CAMTA1: variants seen among roughly 807,000 people sequenced by gnomAD.
The protein encoded by CAMTA1 is calmodulin-binding transcription activator 1.
A neutral mutation model predicts 170.9 loss-of-function variants in CAMTA1; 27 were observed. That is an observed-to-expected ratio of 0.16 (90% CI 0.12 to 0.22). CAMTA1 has a LOEUF of 0.22. CAMTA1 is among the 10% of genes least tolerant of loss of function. The pLI, the probability that CAMTA1 is intolerant of heterozygous loss-of-function variation, is 1.00. For missense variants in CAMTA1, 1,619 were observed against 2,217.2 expected (o/e 0.73, Z 5.42); for synonymous variants, 833 against 891.5 (o/e 0.93, Z 1.17).
At chr1:7,350,722 G>GGT (rs145129293) in intron 5 of CAMTA1, among the ~76,000 whole-genome samples, 2,211 of 151,540 alleles carry the variant, frequency 0.015, 39 homozygotes, top group African/African-American at 0.048. Flanking sequence ...GAAGTCATAT[G>GGT]GTGTGTGTGT....
At position 7,016,113 on chromosome 1, in the gene CAMTA1, C is replaced by A. The variant is rs571308664; in HGVS notation, c.235-75191C>A. 2.0e-5 allele frequency among the ~76,000 whole-genome samples: 3 copies of A among 151,458 alleles called. 1 individual carries two copies. The South Asian group carries it at 6.2e-4, about 31-fold the overall frequency. On this transcript the variant is annotated intron_variant, in intron 3 of 22. Transcript: ENST00000303635. ...GTCATGCAGCCACACCCTGCCCCAT[C>A]CTAACCCCCCGAAATCACTCATCTC...
intron 6 of CAMTA1, among the ~76,000 whole-genome samples, chr1:7,492,741 A>G (rs12751826): frequency 1.0e-4 from 14 of 136,214 alleles, no homozygotes; most frequent in African/African-American, 2.6e-4. Context: ...ACATACACAC[A>G]CGCGCGCACA....
chr1:7,436,902 G>A (rs1200840367), intron 5 of CAMTA1, among the ~76,000 whole-genome samples: 2 of 152,072 alleles, frequency 1.3e-5, no homozygotes, highest in Admixed American at 6.6e-5. Flanking sequence ...GAGGTTGTGG[G>A]TGCCGGGTAC....
chr1:7,049,991 T>G (rs1706053499), intron 3 of CAMTA1, among the ~76,000 whole-genome samples: 1 of 151,808 alleles, frequency 6.6e-6, no homozygotes, highest in Non-Finnish European at 1.5e-5. Context: ...AAGGAGGGAA[T>G]GGGGTCCAGC....
intron 10 of CAMTA1, 147 bp downstream of exon 10, chr1:7,671,184 TAG>T: frequency 1.2e-6 from 1 of 863,384 alleles, no homozygotes; most frequent in Non-Finnish European, 1.8e-6. Flanking sequence ...GGATCCCCGA[TAG>T]TCTATTAGAA....
At chr1:6,902,075 A>C (rs1395753120) in intron 3 of CAMTA1, among the ~76,000 whole-genome samples, 178 of 83,702 alleles carry the variant, frequency 2.1e-3, no homozygotes, top group African/African-American at 3.1e-3. Context: ...ACACACACAA[A>C]AAAAAAAATA....
chr1:6,954,103 C>T (rs888921868), intron 3 of CAMTA1, among the ~76,000 whole-genome samples: 2 of 152,202 alleles, frequency 1.3e-5, no homozygotes, highest in African/African-American at 4.8e-5. Flanking sequence ...TCCTTTTTCT[C>T]ACCATTTCAT....
intron 3 of CAMTA1, among the ~76,000 whole-genome samples, chr1:7,012,760 T>C (rs544813676): frequency 6.6e-6 from 1 of 152,240 alleles, no homozygotes; most frequent in African/African-American, 2.4e-5. Context: ...CTCTGAATTC[T>C]GTCTTGCTCC....
intron 3 of CAMTA1, among the ~76,000 whole-genome samples, chr1:7,024,247 C>T (rs916768953): frequency 6.6e-6 from 1 of 151,848 alleles, no homozygotes; most frequent in East Asian, 1.9e-4. Flanking sequence ...TAAAGACAGA[C>T]GTAAGCCTTC....
intron 3 of CAMTA1, among the ~76,000 whole-genome samples, chr1:7,090,380 G>C (rs1488472522): frequency 6.6e-5 from 10 of 152,194 alleles, no homozygotes; most frequent in Non-Finnish European, 4.4e-5. Context: ...CTGAGGTGGA[G>C]GCCTCCCCTC....
intron 6 of CAMTA1, among the ~76,000 whole-genome samples, chr1:7,546,226 G>A (rs57014236): frequency 0.056 from 8,527 of 152,196 alleles, 786 homozygotes; most frequent in African/African-American, 0.19. Flanking sequence ...AAAGTGCTGG[G>A]ATTACAGGCG....
chr1:6,885,723 G>A (rs1389752586), intron 3 of CAMTA1, among the ~76,000 whole-genome samples: 1 of 152,182 alleles, frequency 6.6e-6, no homozygotes. Flanking sequence ...GCAGGTGAAA[G>A]CAGAGAAATA....
intron 22 of CAMTA1, among the ~76,000 whole-genome samples, chr1:7,762,971 A>G (rs552607853): frequency 6.6e-6 from 1 of 152,358 alleles, no homozygotes; most frequent in South Asian, 2.1e-4. Context: ...ACAATAAAAT[A>G]TGATTTTTAA....
At chr1:7,127,284 C>T (rs554569289) in intron 4 of CAMTA1, among the ~76,000 whole-genome samples, 9 of 135,588 alleles carry the variant, frequency 6.6e-5, no homozygotes, top group Admixed American at 4.1e-4. Context: ...AGCCGGAAGC[C>T]GTTCCTTTAG....
chr1:7,640,438 G>A lies in CAMTA1; in HGVS notation c.549G>A (p.Pro183=), dbSNP rs114268215. The A allele has an allele frequency of 5.8e-4, 933 of 1,614,094 alleles. 3 individuals are homozygous for A. The African/African-American group carries it at 0.011, about 19-fold the overall frequency. The change falls in exon 7 of 23, where the codon CCG becomes CCA. Residue 183 remains proline (P), a synonymous_variant. Transcript: ENST00000303635. The part of the protein sequence containing the change: ...DIVLVHYLNV[P]AIEDCGKPCG... Reference sequence around the variant, plus strand: ...TCCTGGTGCACTACCTGAACGTGCCGGCCATCGAGGACTGCGGCAAGCCTT... The same window carrying A: ...TCCTGGTGCACTACCTGAACGTGCCAGCCATCGAGGACTGCGGCAAGCCTT...
intron 3 of CAMTA1, among the ~76,000 whole-genome samples, chr1:6,968,954 G>C (rs1389449612): frequency 1.3e-5 from 2 of 152,140 alleles, no homozygotes; most frequent in Non-Finnish European, 2.9e-5. Flanking sequence ...ACGGGGCGAG[G>C]GGGTGTCTGT....
chr1:7,571,078 G>A (rs2095119970), intron 6 of CAMTA1, among the ~76,000 whole-genome samples: 1 of 152,208 alleles, frequency 6.6e-6, no homozygotes, highest in African/African-American at 2.4e-5. Flanking sequence ...AAAACAAAGT[G>A]TCTTAGTCCA....
intron 5 of CAMTA1, among the ~76,000 whole-genome samples, chr1:7,306,143 T>C (rs1675563213): frequency 6.6e-6 from 1 of 152,052 alleles, no homozygotes; most frequent in Non-Finnish European, 1.5e-5. Flanking sequence ...TATTTAGCGA[T>C]TGTTTCTTTT....
intron 4 of CAMTA1, among the ~76,000 whole-genome samples, chr1:7,175,058 G>A (rs1355910852): frequency 4.0e-5 from 6 of 151,796 alleles, no homozygotes; most frequent in Non-Finnish European, 7.4e-5. Flanking sequence ...GTGTGTGCGT[G>A]TGTGTGTGTG....
Sources: allele counts gnomAD v4.1 joint callset (sites outside exome capture counted in the v4.1 genomes callset), GRCh38; gene constraint gnomAD v4.1.1; transcripts MANE v1.5; gene names NCBI Gene and HGNC (gene_info 2026-07-23, HGNC 2026-07-21).